TIA1: variants seen among roughly 807,000 people sequenced by gnomAD.
The protein encoded by TIA1 is TIA1 cytotoxic granule associated RNA binding protein, also known as cytotoxic granule associated RNA binding protein TIA1.
A neutral mutation model predicts 65.9 loss-of-function variants in TIA1; 23 were observed. The ratio of observed to expected loss-of-function variants is 0.35; its 90% CI spans 0.25 to 0.49. The LOEUF (loss-of-function observed/expected upper bound fraction) is 0.49. Ranked by LOEUF, TIA1 falls within the 20% of genes least tolerant of loss-of-function variation. The probability of loss-of-function intolerance (pLI) is 0.98; values close to 1 mark genes in which losing one functional copy is unlikely to be tolerated. For missense variants in TIA1, 371 were observed against 477.9 expected (o/e 0.78, Z 2.09); for synonymous variants, 147 against 149.4 (o/e 0.98, Z 0.12).
chr2:70,239,080 A>G (rs1213437953), intron 1 of TIA1, among the ~76,000 whole-genome samples: 2 of 152,016 alleles, frequency 1.3e-5, no homozygotes, highest in Non-Finnish European at 2.9e-5. Flanking sequence ...TAAAAAGAAA[A>G]TAAAGGTTTT....
intron 7 of TIA1, among the ~76,000 whole-genome samples, chr2:70,221,386 A>G (rs1402253749): frequency 6.6e-6 from 1 of 151,540 alleles, no homozygotes; most frequent in Non-Finnish European, 1.5e-5. Flanking sequence ...AGGAGGATGG[A>G]TTGAGGCCAG....
chr2:70,214,249 A>G, intron 12 of TIA1, 100 bp downstream of exon 12: 1 of 1,303,454 alleles, frequency 7.7e-7, no homozygotes, highest in Non-Finnish European at 1.0e-6. Context: ...CGCTTTACAT[A>G]AGAGGCCCTA....
At chr2:70,240,457 G>A (rs1313374252) in intron 1 of TIA1, among the ~76,000 whole-genome samples, 1 of 152,184 alleles carries the variant, frequency 6.6e-6, no homozygotes, top group Non-Finnish European at 1.5e-5. Context: ...GGGAGTGGTG[G>A]CACAAGCCCG....
At chr2:70,240,443 A>C (rs746594000) in intron 1 of TIA1, among the ~76,000 whole-genome samples, 4 of 152,252 alleles carry the variant, frequency 2.6e-5, no homozygotes, top group Admixed American at 1.3e-4. Context: ...GTTCTTGAAT[A>C]AAAGGGAGTG....
intron 3 of TIA1, among the ~76,000 whole-genome samples, chr2:70,229,863 A>G (rs1685376741): frequency 6.6e-6 from 1 of 151,708 alleles, no homozygotes; most frequent in African/African-American, 2.4e-5. Context: ...GCTTGAACCC[A>G]TGAGGCAGAG....
intron 2 of TIA1, among the ~76,000 whole-genome samples, chr2:70,232,810 A>C (rs1687099093): frequency 6.6e-6 from 1 of 151,876 alleles, no homozygotes; most frequent in African/African-American, 2.4e-5. Context: ...GGGACGTTGC[A>C]GTGAGCCAAG....
At chr2:70,212,867 G>A in intron 12 of TIA1, 22 bp from the exon 13 acceptor site, 1 of 1,528,632 alleles carries the variant, frequency 6.5e-7, no homozygotes, top group Non-Finnish European at 9.1e-7. Context: ...TGTGAAAGAA[G>A]CAGAGGGGAG....
In TIA1 at chr2:70,210,143, G is replaced by A. The variant is rs1676120013; in HGVS notation, c.*2576C>T. 6.3e-6 allele frequency: 1 copy of A among 157,972 alleles called. No homozygotes were observed. The highest frequency in any genetic ancestry group is 2.4e-5 in the African/African-American group (1 of 41,654). 9.8% of individuals were successfully genotyped at this position (157,972 alleles called of 1,614,324 possible). A position where few individuals can be genotyped will look rare whatever the true frequency, so the allele number is the denominator to read the frequency against. On this transcript the variant is annotated 3_prime_UTR_variant, in exon 13 of 13. Coordinates refer to ENST00000433529, the MANE Select transcript of TIA1 (RefSeq NM_022173.4). ...AATACCTGAGTGAATATAACAATAT[G>A]GATAGACCAAAAAGAAAAAAAATCT... is the stretch of plus-strand genomic sequence containing the variant.
chr2:70,230,891 T>C (rs972608736), intron 2 of TIA1, 37 bp from the exon 3 acceptor site: 3 of 1,516,816 alleles, frequency 2.0e-6, no homozygotes, highest in Non-Finnish European at 2.7e-6. Context: ...ATTTTAAGCT[T>C]TATTCACCCA....
rs566445383 is a variant in TIA1 at position 70,236,507 on chromosome 2, T to C, written c.27-332A>G. On this transcript the variant is annotated intron_variant, in intron 1 of 12. Transcript: ENST00000433529. ...AGCCACTGCACCCGGTTTTTTTTTT[T>C]AAGAGAAATAGTCTGGCTATATTGC... 6.3e-4 allele frequency among the ~76,000 whole-genome samples: 95 copies of C among 151,844 alleles called. No individual in the cohort carries two copies. In the South Asian group the frequency reaches 0.02, roughly 31 times the overall value.
intron 1 of TIA1, among the ~76,000 whole-genome samples, chr2:70,239,704 G>A (rs1690830408): frequency 1.3e-5 from 2 of 152,206 alleles, no homozygotes; most frequent in Non-Finnish European, 2.9e-5. Context: ...GGCAAAGGAA[G>A]AAATGCTGAG....
chr2:70,229,395 G>T, intron 3 of TIA1, 77 bp from the exon 4 acceptor site: 1 of 1,233,746 alleles, frequency 8.1e-7, no homozygotes, highest in Non-Finnish European at 1.2e-6. Context: ...TAAACACATA[G>T]GAAGATATCT....
intron 11 of TIA1, 116 bp downstream of exon 11, chr2:70,215,255 C>T (rs550875184): frequency 1.5e-6 from 2 of 1,305,652 alleles, no homozygotes; most frequent in East Asian, 4.7e-5. Context: ...GTAGGAAGAG[C>T]CCTTATATAC....
At chr2:70,237,862 T>C (rs986142172) in intron 1 of TIA1, among the ~76,000 whole-genome samples, 1 of 149,598 alleles carries the variant, frequency 6.7e-6, no homozygotes, top group East Asian at 2.0e-4. Flanking sequence ...CAAGACTGTC[T>C]TTAAAAAGAA....
intron 1 of TIA1, among the ~76,000 whole-genome samples, chr2:70,246,572 G>A (rs967905288): frequency 2.0e-5 from 3 of 152,076 alleles, no homozygotes; most frequent in African/African-American, 2.4e-5. Flanking sequence ...GGCAAAATAA[G>A]TAATAAATGT....
intron 1 of TIA1, 137 bp downstream of exon 1, chr2:70,248,268 C>A: frequency 2.1e-6 from 2 of 969,914 alleles, no homozygotes; most frequent in South Asian, 3.5e-5. Context: ...TGTAAGCATC[C>A]AGGTGCATGC....
rs1250865865 is a variant in TIA1, at chr2:70,212,087, ACAT to A, written c.*629_*631del. The A allele has an allele frequency of 1.3e-5, 2 of 152,624 alleles. No individual in the cohort carries two copies. The highest frequency in any genetic ancestry group is 2.9e-5 in the Non-Finnish European group (2 of 68,038). 9.5% of individuals were successfully genotyped at this position (152,624 alleles called of 1,614,324 possible). A position where few individuals can be genotyped will look rare whatever the true frequency, so the allele number is the denominator to read the frequency against. On this transcript the variant is annotated 3_prime_UTR_variant, in exon 13 of 13. Coordinates refer to ENST00000433529, the MANE Select transcript of TIA1 (RefSeq NM_022173.4). ...TGAGAAAAGTTTTCAATCTAAATGA[ACAT>A]CATTTTTTCCATTTAAGTATATTTT...
chr2:70,238,473 A>T (rs901806629), intron 1 of TIA1, among the ~76,000 whole-genome samples: 2 of 151,650 alleles, frequency 1.3e-5, no homozygotes, highest in East Asian at 3.9e-4. Context: ...GGGTTTCACC[A>T]TATTGGCCAG....
intron 7 of TIA1, among the ~76,000 whole-genome samples, chr2:70,222,887 C>T (rs553711941): frequency 3.7e-4 from 57 of 152,324 alleles, no homozygotes; most frequent in Admixed American, 1.2e-3. Context: ...GCGCTCCAGC[C>T]TGGGCAACAG....
Sources: gnomAD v4.1 joint callset for allele counts (sites outside exome capture counted in the v4.1 genomes callset) on GRCh38, gnomAD v4.1.1 for gene constraint, MANE v1.5 for transcripts, NCBI Gene and HGNC (gene_info 2026-07-23, HGNC 2026-07-21) for gene names.